Variants in ICE1 observed in about 807,000 individuals in gnomAD.
ICE1 encodes the protein interactor of little elongation complex ELL subunit 1, also known as little elongation complex subunit 1.
A neutral mutation model predicts 192.7 loss-of-function variants in ICE1; 64 were observed. The observed-to-expected ratio is 0.33, with a 90% CI of 0.27 to 0.41. The LOEUF is 0.41. Ranked by LOEUF, ICE1 falls within the 10% of genes least tolerant of loss-of-function variation. The probability of loss-of-function intolerance (pLI) is 1.00; values close to 1 mark genes in which losing one functional copy is unlikely to be tolerated. For missense variants in ICE1, 2,708 were observed against 2,696.0 expected (o/e 1.00, Z -0.10); for synonymous variants, 1,010 against 984.5 (o/e 1.03, Z -0.49).
intron 17 of ICE1, among the ~76,000 whole-genome samples, chr5:5,485,102 T>C (rs1443296994): frequency 6.6e-6 from 1 of 152,102 alleles, no homozygotes; most frequent in Non-Finnish European, 1.5e-5. Context: ...GTGATCTCCA[T>C]CCTTGGATCT....
chr5:5,431,675 AT>A (rs1188396201), intron 1 of ICE1, among the ~76,000 whole-genome samples: 2 of 151,566 alleles, frequency 1.3e-5, no homozygotes, highest in African/African-American at 4.9e-5. Flanking sequence ...GATGCCTTTT[AT>A]TTTGCTCTTG....
At chr5:5,469,065 A>G in intron 15 of ICE1, 77 bp downstream of exon 15, 2 of 1,041,470 alleles carry the variant, frequency 1.9e-6, no homozygotes, top group Non-Finnish European at 2.6e-6. Flanking sequence ...TTGTGTATTT[A>G]GTTTTATATT....
rs371093985 is a variant in ICE1, at chr5:5,463,752, C to T, written c.4418C>T (p.Ala1473Val). The change falls in exon 13 of 19, where the codon GCC becomes GTC. Residue 1473 changes from alanine (A) to valine (V), a missense_variant. This residue lies in a region of ICE1 where 2,366 missense variants were observed against 2,276.6 expected (regional missense o/e 1.04). Coordinates refer to ENST00000296564, the MANE Select transcript of ICE1 (RefSeq NM_015325.3). ...PVTSAEKSPEASHTGPAFQEA... is the reference protein window; with the variant it reads ...PVTSAEKSPEVSHTGPAFQEA... ...ACTTCTGCTGAGAAGTCCCCAGAGG[C>T]CAGTCACACTGGCCCTGCATTTCAG... is the stretch of plus-strand genomic sequence containing the variant. 2 of 1,613,824 alleles carry T rather than the reference C, an allele frequency of 1.2e-6. No homozygotes were observed. The highest frequency in any genetic ancestry group is 2.7e-5 in the African/African-American group (2 of 74,922).
rs757865822 is a variant in ICE1, at chr5:5,462,419, G to T, written c.3085G>T (p.Gly1029Cys). Reference sequence around the variant, plus strand: ...CTGTGGAGACACAGGGAGATCTGGTGGTGAGGCCCTGGCTGTTGCAAATGA... The same window carrying T: ...CTGTGGAGACACAGGGAGATCTGGTTGTGAGGCCCTGGCTGTTGCAAATGA... ...TSCGDTGRSG[G>C]EALAVANDST... The change falls in exon 13 of 19, where the codon GGT (glycine) becomes TGT (cysteine). Residue 1029 changes from glycine (G) to cysteine (C), a missense_variant. Coordinates refer to ENST00000296564, the MANE Select transcript of ICE1 (RefSeq NM_015325.3). 2 of 1,614,004 alleles carry T rather than the reference G, an allele frequency of 1.2e-6. No homozygotes were observed. Among genetic ancestry groups the T allele is most frequent in the South Asian group, 2.2e-5 (2 of 91,078 alleles).
chr5:5,464,885 G>T lies in ICE1; in HGVS notation c.5551G>T (p.Asp1851Tyr), dbSNP rs1738936160. The T allele has an allele frequency of 6.2e-7, 1 of 1,613,346 alleles. No homozygotes were observed. The highest frequency in any genetic ancestry group is 1.1e-5 in the South Asian group (1 of 90,928). ...TLRSAKRLRL[D>Y]TGSPEPETRG... Reference sequence around the variant, plus strand: ...GAGAAGTGCTAAAAGACTGCGCCTGGACACTGGGTCCCCAGAACCAGAAAC... The same window carrying T: ...GAGAAGTGCTAAAAGACTGCGCCTGTACACTGGGTCCCCAGAACCAGAAAC... Residue 1851 changes from aspartate (D) to tyrosine (Y), a missense_variant, in exon 13 of 19, where the codon GAC becomes TAC. Around this residue, in one of 2 missense-constraint regions of ICE1, gnomAD observed 2,366 missense variants for 2,276.6 expected, o/e 1.04. Transcript: ENST00000296564. The surrounding 1 kb of genome is among the most constrained non-coding windows in gnomAD (Gnocchi z 4.0).
intron 12 of ICE1, among the ~76,000 whole-genome samples, chr5:5,459,990 T>C (rs1487869100): frequency 1.3e-5 from 2 of 150,748 alleles, no homozygotes; most frequent in South Asian, 2.1e-4. Flanking sequence ...ACAGCGTCCC[T>C]CCCCCCCTGC....
chr5:5,461,259 G>C lies in ICE1; in HGVS notation c.1925G>C (p.Gly642Ala). 6.2e-7 allele frequency: 1 copy of C among 1,613,946 alleles called. No individual in the cohort carries two copies. Among genetic ancestry groups the C allele is most frequent in the South Asian group, 1.1e-5 (1 of 91,076 alleles). ...SSSTLVALSV[G>A]SNPQSSSGLD... is the part of the protein sequence containing the mutation. Reference sequence around the variant, plus strand: ...TCTACCTTGGTAGCATTGTCTGTTGGCAGTAATCCCCAGTCTTCTTCTGGG... The same window carrying C: ...TCTACCTTGGTAGCATTGTCTGTTGCCAGTAATCCCCAGTCTTCTTCTGGG... Residue 642 changes from glycine to alanine, a missense_variant, in exon 13 of 19, where the codon GGC (glycine) becomes GCC (alanine). Coordinates refer to ENST00000296564, the MANE Select transcript of ICE1 (RefSeq NM_015325.3).
intron 15 of ICE1, among the ~76,000 whole-genome samples, chr5:5,471,096 A>G (rs1265706655): frequency 6.6e-6 from 1 of 152,224 alleles, no homozygotes; most frequent in Non-Finnish European, 1.5e-5. Flanking sequence ...AGACAAAAAT[A>G]CTACCTTTAA....
intron 10 of ICE1, among the ~76,000 whole-genome samples, chr5:5,448,780 G>A (rs1359264542): frequency 6.6e-6 from 1 of 151,898 alleles, no homozygotes; most frequent in African/African-American, 2.4e-5. Flanking sequence ...CAGAGTACAA[G>A]TTTATGTTTT....
intron 14 of ICE1, among the ~76,000 whole-genome samples, chr5:5,468,242 A>G (rs147507018): frequency 2.7e-3 from 415 of 152,310 alleles, no homozygotes; most frequent in Non-Finnish European, 4.1e-3. Context: ...GCTTCTCTGT[A>G]TCTGGGGTGA....
At chr5:5,467,910 A>G (rs1739034410) in intron 14 of ICE1, among the ~76,000 whole-genome samples, 1 of 152,232 alleles carries the variant, frequency 6.6e-6, no homozygotes, top group Non-Finnish European at 1.5e-5. Context: ...CCACTCAGGC[A>G]CTTACGCAGC....
Position 5,464,976 on chromosome 5 carries a change from C to T in ICE1, c.5642C>T (p.Ala1881Val). The change falls in exon 13 of 19, where the codon GCA (alanine) becomes GTA (valine). Residue 1881 changes from alanine (A) to valine (V), a missense_variant. Ala to Val is a moderately conservative substitution (Grantham distance 64, BLOSUM62 0). Around this residue, in one of 2 missense-constraint regions of ICE1, gnomAD observed 2,366 missense variants for 2,276.6 expected, o/e 1.04. Coordinates refer to ENST00000296564, the MANE Select transcript of ICE1 (RefSeq NM_015325.3). The surrounding 1 kb of genome is among the most constrained non-coding windows in gnomAD (Gnocchi z 4.0). ...LPGNLPPAEV[A>V]TTNEERSCSS... The stretch of plus-strand genomic sequence containing the variant: ...GGGAACCTCCCTCCAGCTGAAGTTG[C>T]AACAACAAATGAGGAAAGAAGTTGT... 1 of 1,613,752 alleles carries T rather than the reference C, an allele frequency of 6.2e-7. No homozygotes were observed. The highest frequency in any genetic ancestry group is 1.1e-5 in the South Asian group (1 of 91,006).
intron 12 of ICE1, among the ~76,000 whole-genome samples, chr5:5,459,993 C>T (rs1244227606): frequency 6.6e-6 from 1 of 152,118 alleles, no homozygotes; most frequent in Non-Finnish European, 1.5e-5. Context: ...GCGTCCCTCC[C>T]CCCCTGCACA....
At chr5:5,465,257 G>A in intron 13 of ICE1, 31 bp downstream of exon 13, 1 of 1,424,858 alleles carries the variant, frequency 7.0e-7, no homozygotes, top group Non-Finnish European at 9.5e-7. Context: ...AAGTGCATTA[G>A]GGATTACATG....
chr5:5,483,769 C>G (rs906719404), intron 17 of ICE1, among the ~76,000 whole-genome samples: 13 of 152,172 alleles, frequency 8.5e-5, no homozygotes, highest in South Asian at 2.1e-4. Context: ...GAACCTAGAG[C>G]TAGAAAAACA....
chr5:5,440,964 T>G, intron 4 of ICE1, 148 bp from the exon 5 acceptor site: 8 of 538,266 alleles, frequency 1.5e-5, no homozygotes, highest in East Asian at 6.2e-5. Flanking sequence ...GTGAAGATCA[T>G]GTTGGTGTAG....
At chr5:5,443,278 T>A in intron 6 of ICE1, 34 bp downstream of exon 6, 2 of 1,168,078 alleles carry the variant, frequency 1.7e-6, no homozygotes, top group Non-Finnish European at 2.4e-6. Context: ...AGAAATACGG[T>A]TTTCAGTTTT....
chr5:5,486,915 T>G, intron 18 of ICE1, 96 bp downstream of exon 18: 4 of 769,312 alleles, frequency 5.2e-6, no homozygotes, highest in Non-Finnish European at 4.2e-6. Context: ...TGCTCTGTGC[T>G]TTGCTTGCTG....
chr5:5,423,724 A>G (rs984821459), intron 1 of ICE1, among the ~76,000 whole-genome samples: 2 of 152,150 alleles, frequency 1.3e-5, no homozygotes, highest in Admixed American at 1.3e-4. Context: ...CGACTCTCCT[A>G]GCTGCCTGAT....
Sources: gnomAD v4.1 joint callset for allele counts (sites outside exome capture counted in the v4.1 genomes callset) on GRCh38, gnomAD v4.1.1 for gene constraint, gnomAD v4.1.1 regional missense constraint, Gnocchi (gnomAD v3.1) non-coding constraint, MANE v1.5 for transcripts, NCBI Gene and HGNC (gene_info 2026-07-23, HGNC 2026-07-21) for gene names.